The following FAM13B variants were observed in gnomAD, a reference collection of about 807,000 sequenced individuals.
The protein encoded by FAM13B is protein FAM13B.
A neutral mutation model predicts 117.3 loss-of-function variants in FAM13B; 60 were observed. The observed-to-expected ratio is 0.51, with a 90% CI of 0.42 to 0.63. FAM13B has a LOEUF of 0.63. Ranked by LOEUF, FAM13B falls within the 30% of genes least tolerant of loss-of-function variation. The pLI is 0.00. For synonymous variants in FAM13B, 332 were observed against 356.1 expected (o/e 0.93, Z 0.76); for missense variants, 972 against 1,091.9 (o/e 0.89, Z 1.55).
chr5:137,952,075 A>G (rs1178181218), intron 17 of FAM13B, among the ~76,000 whole-genome samples: 1 of 152,242 alleles, frequency 6.6e-6, no homozygotes, highest in Non-Finnish European at 1.5e-5. Flanking sequence ...CATAATTTTT[A>G]AAGTAATAAT....
chr5:137,991,860 T>C (rs1431304086), intron 7 of FAM13B, among the ~76,000 whole-genome samples: 1 of 152,166 alleles, frequency 6.6e-6, no homozygotes. Context: ...TAGGAAAAGA[T>C]TTCTTAAACA....
chr5:137,947,905 CA>C (rs1763883191), intron 18 of FAM13B, among the ~76,000 whole-genome samples: 1 of 151,726 alleles, frequency 6.6e-6, no homozygotes, highest in South Asian at 2.1e-4. Context: ...TTTTTTTAAG[CA>C]AAAGAAAAGT....
intron 1 of FAM13B, among the ~76,000 whole-genome samples, chr5:138,032,233 G>A (rs191086162): frequency 3.3e-5 from 5 of 152,306 alleles, no homozygotes; most frequent in East Asian, 3.9e-4. Flanking sequence ...CCTATGCAGA[G>A]CGCATTCTAG....
At chr5:138,010,957 T>TAA (rs35163730) in intron 6 of FAM13B, 51 bp downstream of exon 6, 288,844 of 1,053,604 alleles carry the variant, frequency 0.27, 9,480 homozygotes, top group East Asian at 0.36. Context: ...ATATTATTCT[T>TAA]AAAAAAAAAA....
chr5:137,985,354 T>G lies in FAM13B; in HGVS notation c.1082A>C (p.Glu361Ala). 1 of 1,613,930 alleles carries G rather than the reference T, an allele frequency of 6.2e-7. No homozygotes were observed. ...AGGTTTTGAACAGTCTCTGTTACTTTCACTGGCATTAATAATATCATCAGC... is the reference window on the plus strand; with the variant it reads ...AGGTTTTGAACAGTCTCTGTTACTTGCACTGGCATTAATAATATCATCAGC... ...DIADDIINAS[E>A]SNRDCSKPVA... Residue 361 changes from glutamate to alanine, a missense_variant, in exon 10 of 24, where the codon GAA becomes GCA. Transcript: ENST00000689681.
chr5:138,004,378 T>G (rs77131785), intron 7 of FAM13B, among the ~76,000 whole-genome samples: 2 of 152,078 alleles, frequency 1.3e-5, no homozygotes, highest in African/African-American at 4.8e-5. Context: ...ATTAGTAATA[T>G]GTATTTGAAA....
chr5:137,987,352 C>T (rs1176927319), intron 9 of FAM13B, 109 bp downstream of exon 9: 4 of 1,040,100 alleles, frequency 3.8e-6, no homozygotes, highest in Non-Finnish European at 5.4e-6. Context: ...TCACAAACAA[C>T]TTTCAGAAAT....
At chr5:138,025,951 A>C (rs1788236096) in intron 1 of FAM13B, among the ~76,000 whole-genome samples, 1 of 152,224 alleles carries the variant, frequency 6.6e-6, no homozygotes, top group Non-Finnish European at 1.5e-5. Flanking sequence ...TACCTTTCTT[A>C]ATAGCACAGA....
chr5:138,010,855 T>C (rs1029693964), intron 6 of FAM13B, among the ~76,000 whole-genome samples, 153 bp downstream of exon 6: 6 of 151,412 alleles, frequency 4.0e-5, no homozygotes, highest in Non-Finnish European at 5.9e-5. Context: ...AAATCATGAA[T>C]GTGCCACCTA....
intron 23 of FAM13B, chr5:137,940,577 A>AGTAG: frequency 4.7e-6 from 2 of 421,772 alleles, no homozygotes; most frequent in Admixed American, 8.2e-5. Context: ...TATACTTATA[A>AGTAG]ATAATCAACA....
At chr5:137,955,001 C>T (rs1459591853) in intron 14 of FAM13B, among the ~76,000 whole-genome samples, 1 of 152,170 alleles carries the variant, frequency 6.6e-6, no homozygotes, top group Non-Finnish European at 1.5e-5. Context: ...CTCTTTAAAA[C>T]TCAATTTAAT....
intron 10 of FAM13B, among the ~76,000 whole-genome samples, chr5:137,974,806 T>C (rs1172798378): frequency 6.6e-6 from 1 of 152,112 alleles, no homozygotes; most frequent in Non-Finnish European, 1.5e-5. Flanking sequence ...AACTACAGCA[T>C]ACTAGACAAA....
intron 18 of FAM13B, 194 bp from the exon 19 acceptor site, chr5:137,946,505 G>T (rs1279481272): frequency 1.0e-5 from 5 of 485,262 alleles, no homozygotes; most frequent in African/African-American, 1.0e-4. Context: ...TGTACAATTT[G>T]CTCTTATAAT....
At chr5:137,965,024 G>A (rs1342368755) in intron 10 of FAM13B, among the ~76,000 whole-genome samples, 3 of 151,990 alleles carry the variant, frequency 2.0e-5, no homozygotes, top group African/African-American at 7.3e-5. Context: ...AATCAGCCAG[G>A]TGCAGTAGTG....
At chr5:137,960,344 T>C in intron 11 of FAM13B, 130 bp from the exon 12 acceptor site, 1 of 507,676 alleles carries the variant, frequency 2.0e-6, no homozygotes, top group Non-Finnish European at 3.5e-6. Flanking sequence ...AAATGCCAAC[T>C]GGACACATGC....
rs1244957354 is a variant in FAM13B, at chr5:137,966,482, T to TAGAGAGAGAGAGAG, written c.1180-4014_1180-4013insCTCTCTCTCTCTCT. Among the ~76,000 whole-genome samples the TAGAGAGAGAGAGAG allele has an allele frequency of 2.4e-4, 13 of 53,862 alleles. No homozygotes were observed. In the South Asian group the frequency reaches 2.5e-3, roughly 10 times the overall value. The allele number at this position is 53,862 out of a possible 152,430, so 35.3% of individuals were successfully genotyped here. A position where few individuals can be genotyped will look rare whatever the true frequency, so the allele number is the denominator to read the frequency against. On this transcript the variant is annotated intron_variant, in intron 10 of 23. Coordinates refer to ENST00000689681, the MANE Select transcript of FAM13B (RefSeq NM_001385994.1). Reference sequence around the variant, plus strand: ...TTTTATATATATATATATATATATATATATATAGAGAGAGAGAGAGAGAGA... The same window carrying TAGAGAGAGAGAGAG: ...TTTTATATATATATATATATATATATAGAGAGAGAGAGAGATATATAGAGAGAGAGAGAGAGAGA...
At chr5:138,008,871 G>A (rs1466224218) in intron 6 of FAM13B, among the ~76,000 whole-genome samples, 2 of 152,334 alleles carry the variant, frequency 1.3e-5, no homozygotes, top group Admixed American at 6.5e-5. Flanking sequence ...GGCCAGGCGC[G>A]GTGGCCCATG....
At chr5:138,020,160 A>G (rs961617968) in intron 2 of FAM13B, among the ~76,000 whole-genome samples, 1 of 151,820 alleles carries the variant, frequency 6.6e-6, no homozygotes, top group African/African-American at 2.4e-5. Flanking sequence ...GCCTGGGTTC[A>G]GGCGGTTCTC....
At chr5:137,980,724 G>A (rs1225819002) in intron 10 of FAM13B, among the ~76,000 whole-genome samples, 2 of 152,050 alleles carry the variant, frequency 1.3e-5, no homozygotes, top group Non-Finnish European at 2.9e-5. Context: ...ACAGGCGTAA[G>A]CCACTGCGCC....
Sources: allele counts gnomAD v4.1 joint callset (sites outside exome capture counted in the v4.1 genomes callset), GRCh38; gene constraint gnomAD v4.1.1; transcripts MANE v1.5; gene names NCBI Gene and HGNC (gene_info 2026-07-23, HGNC 2026-07-21).